COPG1: variants seen among roughly 807,000 people sequenced by gnomAD.
COPG1 encodes coat protein complex I subunit gamma 1.
A neutral mutation model predicts 102.8 loss-of-function variants in COPG1; 29 were observed. The observed-to-expected ratio is 0.28, with a 90% CI of 0.21 to 0.38. COPG1 has a LOEUF of 0.38. Among genes scored for constraint, COPG1 ranks in the 10% least tolerant of loss-of-function variants. The pLI is 1.00. For missense variants in COPG1, 875 were observed against 1,132.7 expected, an observed-to-expected ratio of 0.77 and a Z score of 3.27; for synonymous variants, 406 against 421.6, an observed-to-expected ratio of 0.96 and a Z score of 0.45.
chr3:129,252,407 T>C, intron 3 of COPG1, 46 bp downstream of exon 3: 1 of 1,337,362 alleles, frequency 7.5e-7, no homozygotes, highest in South Asian at 1.2e-5. Flanking sequence ...GCTGGGGGAT[T>C]GGAGGGGAGT....
intron 12 of COPG1, among the ~76,000 whole-genome samples, chr3:129,263,595 T>C (rs1451609007): frequency 1.3e-5 from 2 of 151,796 alleles, no homozygotes; most frequent in Admixed American, 1.3e-4. Flanking sequence ...GAGCCAGTGG[T>C]AGGGAGAGAA....
intron 14 of COPG1, 24 bp from the exon 15 acceptor site, chr3:129,267,000 A>G: frequency 6.2e-7 from 1 of 1,610,352 alleles, no homozygotes; most frequent in South Asian, 1.1e-5. Flanking sequence ...CATTGGGTAA[A>G]TCACATTCGC....
Position 129,252,861 on chromosome 3 carries a change from C to G in COPG1, c.244-15C>G, listed in dbSNP as rs769115212. 3.7e-6 allele frequency: 6 copies of G among 1,612,962 alleles called. No individual in the cohort carries two copies. The East Asian group carries it at 1.3e-4, about 36-fold the overall frequency. ...TGAGCCCGGGCTGATAGGGCTTTTC[C>G]CACCTATCTCCCAGCCCACACTCCG... On this transcript the variant is annotated splice_polypyrimidine_tract_variant and intron_variant, in intron 4 of 23. Coordinates refer to ENST00000314797, the MANE Select transcript of COPG1 (RefSeq NM_016128.4).
chr3:129,254,070 G>A (rs1234151333), intron 5 of COPG1, among the ~76,000 whole-genome samples: 15 of 151,622 alleles, frequency 9.9e-5, no homozygotes, highest in Admixed American at 2.0e-4. Flanking sequence ...AGGCCGAGGC[G>A]GGTGGATCAC....
At position 129,271,532 on chromosome 3, in the gene COPG1, TGG is replaced by T. The variant is rs1225900133; in HGVS notation, c.1844-234_1844-233del. 6.6e-6 allele frequency among the ~76,000 whole-genome samples: 1 copy of T among 152,144 alleles called. No individual in the cohort carries two copies. Among genetic ancestry groups the T allele is most frequent in the Non-Finnish European group, 1.5e-5 (1 of 68,032 alleles). On this transcript the variant is annotated intron_variant, in intron 18 of 23. Transcript: ENST00000314797. The surrounding 1 kb of genome is among the most constrained non-coding windows in gnomAD (Gnocchi z 4.7). ...AGTTTTTTGCTTCTGAGGTCTTTCA[TGG>T]TACAGAGATGGGGAGAGTATTTGTG...
Sources: allele counts gnomAD v4.1 joint callset (sites outside exome capture counted in the v4.1 genomes callset), GRCh38; gene constraint gnomAD v4.1.1; non-coding constraint Gnocchi (gnomAD v3.1); transcripts MANE v1.5; gene names NCBI Gene and HGNC (gene_info 2026-07-23, HGNC 2026-07-21).